The following TOGARAM2 variants were observed in gnomAD, a reference collection of about 807,000 sequenced individuals.
The protein encoded by TOGARAM2 is TOG array regulator of axonemal microtubules 2.
TOGARAM2 carries 85 observed loss-of-function variants against 93.3 expected under a neutral mutation model. The observed-to-expected ratio is 0.91, with a 90% CI of 0.76 to 1.09. The LOEUF (loss-of-function observed/expected upper bound fraction) is 1.09. Among genes scored for constraint, TOGARAM2 ranks in the 50% least tolerant of loss-of-function variants. The probability of loss-of-function intolerance (pLI) is 0.00; values close to 1 mark genes in which losing one functional copy is unlikely to be tolerated. For missense variants in TOGARAM2, 1,277 were observed against 1,334.5 expected, an observed-to-expected ratio of 0.96 and a Z score of 0.67; for synonymous variants, 593 against 552.8, an observed-to-expected ratio of 1.07 and a Z score of -1.02.
chr2:28,959,535 C>CCT (rs1671772527), intron 1 of TOGARAM2, among the ~76,000 whole-genome samples: 1 of 152,130 alleles, frequency 6.6e-6, no homozygotes, highest in South Asian at 2.1e-4. Flanking sequence ...GGGCGGATCA[C>CCT]AAGGTCAGGA....
intron 4 of TOGARAM2, among the ~76,000 whole-genome samples, chr2:29,002,130 C>T (rs1673338086): frequency 6.6e-6 from 1 of 152,176 alleles, no homozygotes; most frequent in Non-Finnish European, 1.5e-5. Context: ...GTGGCAGGTA[C>T]TTGCCTGGCA....
At chr2:28,971,926 A>T (rs909434308) in intron 1 of TOGARAM2, among the ~76,000 whole-genome samples, 1 of 152,192 alleles carries the variant, frequency 6.6e-6, no homozygotes, top group Non-Finnish European at 1.5e-5. Flanking sequence ...GAAAACTCTG[A>T]TCTTAAGAGA....
At chr2:28,964,283 A>T (rs930330535) in intron 1 of TOGARAM2, among the ~76,000 whole-genome samples, 13 of 152,064 alleles carry the variant, frequency 8.5e-5, no homozygotes, top group African/African-American at 2.9e-4. Context: ...GACCCTTTTG[A>T]CATTATGAAA....
rs1232301366 is a variant in TOGARAM2, at chr2:29,014,532, G to T, written c.1015G>T (p.Glu339Ter). 5 of 1,571,890 alleles carry T rather than the reference G, an allele frequency of 3.2e-6. No homozygotes were observed. The highest frequency in any genetic ancestry group is 2.3e-5 in the East Asian group (1 of 42,586). The change falls in exon 8 of 20, where the codon GAA becomes TAA. Residue 339 changes from glutamate (E) to a stop codon, truncating the protein, a stop_gained. Coordinates refer to ENST00000379558, the MANE Select transcript of TOGARAM2 (RefSeq NM_199280.4). LOFTEE classifies it high-confidence loss of function. ...CAGAGAAGCCTGCCCTCCGCTGAAAGAAGAGGACCAGAAGGAGATCGGCAC... is the reference window on the plus strand; with the variant it reads ...CAGAGAAGCCTGCCCTCCGCTGAAATAAGAGGACCAGAAGGAGATCGGCAC... Reference protein sequence around the residue: ...CAREACPPLKEEDQKEIGTKI... With the variant: ...CAREACPPLK
chr2:28,980,366 T>TG (rs1426962067), upstream of TOGARAM2, among the ~76,000 whole-genome samples: 1 of 152,176 alleles, frequency 6.6e-6, no homozygotes, highest in Non-Finnish European at 1.5e-5. Context: ...CCAGGCCTCG[T>TG]GGGGTGTAGT....
chr2:29,013,786 C>G (rs1386259681), intron 7 of TOGARAM2, among the ~76,000 whole-genome samples: 1 of 152,236 alleles, frequency 6.6e-6, no homozygotes, highest in African/African-American at 2.4e-5. Flanking sequence ...TCCACTGACT[C>G]AAAGGTCGAT....
intron 1 of TOGARAM2, among the ~76,000 whole-genome samples, chr2:28,987,959 C>T (rs998413104): frequency 4.6e-5 from 7 of 152,130 alleles, no homozygotes; most frequent in Non-Finnish European, 7.3e-5. Context: ...ACATCAGTCT[C>T]GCAGTTGGGG....
At chr2:28,996,311 C>G (rs1672986471) in intron 2 of TOGARAM2, among the ~76,000 whole-genome samples, 1 of 152,108 alleles carries the variant, frequency 6.6e-6, no homozygotes, top group Non-Finnish European at 1.5e-5. Context: ...GCTATAGTCA[C>G]CCTACTATAC....
At chr2:29,035,698 T>TG (rs1438274415) in intron 17 of TOGARAM2, 42 bp downstream of exon 17, 18 of 1,316,050 alleles carry the variant, frequency 1.4e-5, no homozygotes, top group Non-Finnish European at 1.8e-5. Flanking sequence ...GTCTCTCCTC[T>TG]GGGGGGTGCA....
chr2:29,035,355 C>T, intron 16 of TOGARAM2, 109 bp from the exon 17 acceptor site: 1 of 1,025,880 alleles, frequency 9.7e-7, no homozygotes, highest in African/African-American at 1.7e-5. Context: ...CTGCAGGTGA[C>T]ACTCTTGTCT....
chr2:29,019,764 C>T (rs111611845), intron 10 of TOGARAM2, among the ~76,000 whole-genome samples: 9 of 152,240 alleles, frequency 5.9e-5, no homozygotes, highest in Non-Finnish European at 1.5e-5. Flanking sequence ...GAATCCTCCT[C>T]TTCTTCCTCT....
At chr2:28,990,991 G>T (rs1424335309) in intron 1 of TOGARAM2, among the ~76,000 whole-genome samples, 2 of 119,812 alleles carry the variant, frequency 1.7e-5, no homozygotes, top group African/African-American at 6.9e-5. Context: ...GTGTGTGAAG[G>T]GTGTGTGTGT....
chr2:29,019,509 A>G (rs1664803286), intron 10 of TOGARAM2, among the ~76,000 whole-genome samples: 1 of 152,100 alleles, frequency 6.6e-6, no homozygotes, highest in Non-Finnish European at 1.5e-5. Context: ...AGACCTAGTG[A>G]TGTAAAAGCC....
At chr2:29,028,854 T>C (rs146130405) in intron 14 of TOGARAM2, among the ~76,000 whole-genome samples, 140 of 152,314 alleles carry the variant, frequency 9.2e-4, no homozygotes, top group Middle Eastern at 3.4e-3. Flanking sequence ...CCCTGAACAA[T>C]GGTGAATAAT....
chr2:28,984,873 G>A (rs1421940491), intron 1 of TOGARAM2, among the ~76,000 whole-genome samples: 1 of 152,196 alleles, frequency 6.6e-6, no homozygotes, highest in Non-Finnish European at 1.5e-5. Context: ...TAGTGGCAAG[G>A]TGACCATTTT....
chr2:29,003,261 T>C (rs1021739619), intron 5 of TOGARAM2, among the ~76,000 whole-genome samples: 1 of 152,188 alleles, frequency 6.6e-6, no homozygotes, highest in Non-Finnish European at 1.5e-5. Context: ...CCAGCTCTGA[T>C]GTTCTAGGAT....
intron 6 of TOGARAM2, among the ~76,000 whole-genome samples, chr2:29,005,267 G>GA (rs1673640038): frequency 6.8e-6 from 1 of 147,180 alleles, no homozygotes; most frequent in African/African-American, 2.5e-5. Context: ...GCATGTGTGT[G>GA]GAGTGTGTGT....
intron 6 of TOGARAM2, among the ~76,000 whole-genome samples, 168 bp from the exon 7 acceptor site, chr2:29,011,287 C>G (rs1664230138): frequency 6.6e-6 from 1 of 152,202 alleles, no homozygotes. Context: ...GGAGCTGTAT[C>G]TCCTGCAGCT....
chr2:29,014,630 G>A lies in TOGARAM2; in HGVS notation c.1044+69G>A. ...CCGCAGGCTGCAGGAAGGCAAGCAAGTGTCTGAAGTATTCAAGAGTGGGAC... is the reference window on the plus strand; with the variant it reads ...CCGCAGGCTGCAGGAAGGCAAGCAAATGTCTGAAGTATTCAAGAGTGGGAC... On this transcript the variant is annotated intron_variant, in intron 8 of 19. Coordinates refer to ENST00000379558, the MANE Select transcript of TOGARAM2 (RefSeq NM_199280.4). 4.6e-6 allele frequency: 7 copies of A among 1,517,048 alleles called. No individual in the cohort carries two copies. In the South Asian group the frequency reaches 5.0e-5, roughly 11 times the overall value. 94.0% of individuals were successfully genotyped at this position (1,517,048 alleles called of 1,614,324 possible).
Sources: allele counts gnomAD v4.1 joint callset (sites outside exome capture counted in the v4.1 genomes callset), GRCh38; gene constraint gnomAD v4.1.1; transcripts MANE v1.5; gene names NCBI Gene and HGNC (gene_info 2026-07-23, HGNC 2026-07-21).